The following TYW1B variants were observed in gnomAD, a reference collection of about 807,000 sequenced individuals.
TYW1B encodes tRNA-yW synthesizing protein 1 homolog B.
A neutral mutation model predicts 86.9 loss-of-function variants in TYW1B; 73 were observed. The ratio of observed to expected loss-of-function variants is 0.84; its 90% confidence interval spans 0.70 to 1.02. The LOEUF is 1.02. TYW1B is among the 50% of genes least tolerant of loss of function. The pLI, the probability that TYW1B is intolerant of heterozygous loss-of-function variation, is 0.00. For synonymous variants in TYW1B, 248 were observed against 292.8 expected, an observed-to-expected ratio of 0.85 and a Z score of 1.56; for missense variants, 637 against 827.4, an observed-to-expected ratio of 0.77 and a Z score of 2.82.
rs1476041383 is a variant in TYW1B, at chr7:72,593,190, G to A, written c.1786-17471C>T. ...GCCTGTAATCCCAGCTACTCGGGGG[G>A]CTGAGGCAGGAGAAATTGCTTGAAC... is the stretch of plus-strand genomic sequence containing the variant. On this transcript the variant is annotated intron_variant, in intron 13 of 13. Transcript: ENST00000620995. Among the ~76,000 whole-genome samples the A allele has an allele frequency of 5.3e-5, 8 of 152,140 alleles. No individual in the cohort carries two copies. The South Asian group carries it at 1.0e-3, about 20-fold the overall frequency.
intron 7 of TYW1B, among the ~76,000 whole-genome samples, chr7:72,759,362 T>C (rs1787649967): frequency 6.6e-6 from 1 of 152,138 alleles, no homozygotes; most frequent in South Asian, 2.1e-4. Context: ...ACTAGGGTGG[T>C]TGCCACCATC....
chr7:72,626,673 T>C (rs1336544569), intron 12 of TYW1B, among the ~76,000 whole-genome samples: 1 of 152,124 alleles, frequency 6.6e-6, no homozygotes, highest in Non-Finnish European at 1.5e-5. Flanking sequence ...GTTCAGCCCG[T>C]ACCTATAACC....
intron 6 of TYW1B, among the ~76,000 whole-genome samples, chr7:72,787,407 G>A (rs1788147170): frequency 6.6e-6 from 1 of 151,334 alleles, no homozygotes; most frequent in Non-Finnish European, 1.5e-5. Context: ...AGGTTGCAGT[G>A]AGCCAAGATT....
chr7:72,601,341 C>CAAA (rs564355064), intron 13 of TYW1B, among the ~76,000 whole-genome samples: 4 of 137,548 alleles, frequency 2.9e-5, no homozygotes, highest in Admixed American at 1.5e-4. Context: ...AGCTAAACCT[C>CAAA]AAAAAAAAAA....
At chr7:72,775,322 A>C (rs1410236811) in intron 7 of TYW1B, among the ~76,000 whole-genome samples, 1 of 152,202 alleles carries the variant, frequency 6.6e-6, no homozygotes, top group East Asian at 1.9e-4. Flanking sequence ...ACACTCGACA[A>C]AACCCAAATA....
At chr7:72,716,199 A>G (rs1786780049) in intron 9 of TYW1B, among the ~76,000 whole-genome samples, 1 of 152,202 alleles carries the variant, frequency 6.6e-6, no homozygotes, top group Non-Finnish European at 1.5e-5. Context: ...GGCCTCCCAA[A>G]GTGCTGGGAT....
rs546404434 is a variant in TYW1B, at chr7:72,821,576, CATCTT to C, written c.135+5274_135+5278del. Among the ~76,000 whole-genome samples the C allele has an allele frequency of 4.5e-4, 68 of 152,328 alleles. 1 individual carries two copies. The South Asian group carries it at 0.014, about 31-fold the overall frequency. ...AATGTACGTGCTATTCCCAAACAAACATCTTTTCTTTTGGAGAGCCTCTCTATGGT... is the reference window on the plus strand; with the variant it reads ...AATGTACGTGCTATTCCCAAACAAACTTCTTTTGGAGAGCCTCTCTATGGT... On this transcript the variant is annotated intron_variant, in intron 2 of 13. Transcript: ENST00000620995.
chr7:72,753,384 C>T (rs549624575), intron 7 of TYW1B, among the ~76,000 whole-genome samples: 21 of 151,812 alleles, frequency 1.4e-4, no homozygotes, highest in African/African-American at 4.8e-4. Context: ...AGTAGAGTAT[C>T]ATTACCATGT....
At chr7:72,816,311 G>C (rs1788721460) in intron 2 of TYW1B, among the ~76,000 whole-genome samples, 1 of 152,072 alleles carries the variant, frequency 6.6e-6, no homozygotes, top group Admixed American at 6.6e-5. Flanking sequence ...AGGAGGCAGA[G>C]GTTGCAGTGA....
intron 13 of TYW1B, among the ~76,000 whole-genome samples, chr7:72,581,551 C>A (rs190853079): frequency 1.1e-3 from 164 of 152,050 alleles, no homozygotes; most frequent in Non-Finnish European, 2.0e-3. Context: ...CTCCACCTCT[C>A]GGGTTCACGT....
intron 13 of TYW1B, among the ~76,000 whole-genome samples, chr7:72,582,513 T>C (rs1554429762): frequency 6.6e-6 from 1 of 152,160 alleles, no homozygotes; most frequent in African/African-American, 2.4e-5. Flanking sequence ...ACATTAAAGG[T>C]CTCAAAAAGT....
chr7:72,727,499 A>G (rs1439646724), intron 9 of TYW1B, among the ~76,000 whole-genome samples: 2 of 152,174 alleles, frequency 1.3e-5, no homozygotes, highest in Admixed American at 6.5e-5. Flanking sequence ...CCCCAGTTGA[A>G]TAACATCAAC....
chr7:72,653,133 C>T (rs1813103955), intron 11 of TYW1B, among the ~76,000 whole-genome samples: 2 of 151,810 alleles, frequency 1.3e-5, no homozygotes, highest in African/African-American at 4.8e-5. Flanking sequence ...TAAGCTAAAG[C>T]GAGCAGAGGA....
At chr7:72,803,348 G>A (rs1192342862) in intron 5 of TYW1B, among the ~76,000 whole-genome samples, 12 of 152,144 alleles carry the variant, frequency 7.9e-5, no homozygotes, top group South Asian at 2.1e-4. Flanking sequence ...TGGGCTCAGG[G>A]GAACGAGACA....
chr7:72,695,009 T>C (rs1475310801), intron 10 of TYW1B, among the ~76,000 whole-genome samples, 187 bp from the exon 11 acceptor site: 1 of 152,232 alleles, frequency 6.6e-6, no homozygotes, highest in Non-Finnish European at 1.5e-5. Flanking sequence ...TGGTTGTTTT[T>C]TAAATGACTG....
chr7:72,699,825 T>C (rs1814417532), intron 10 of TYW1B, among the ~76,000 whole-genome samples: 1 of 151,940 alleles, frequency 6.6e-6, no homozygotes, highest in Admixed American at 6.6e-5. Context: ...AATTTTTGTA[T>C]TTTTAGTGGA....
At chr7:72,654,913 A>T (rs1265145830) in intron 11 of TYW1B, among the ~76,000 whole-genome samples, 7 of 152,188 alleles carry the variant, frequency 4.6e-5, no homozygotes, top group Admixed American at 4.6e-4. Context: ...TTGGTTCATA[A>T]ATTGTAACAA....
chr7:72,701,047 G>A (rs558804415), intron 10 of TYW1B, among the ~76,000 whole-genome samples: 2 of 151,142 alleles, frequency 1.3e-5, no homozygotes, highest in South Asian at 4.2e-4. Flanking sequence ...CTGGGTGACA[G>A]AGCAAGATTC....
intron 11 of TYW1B, among the ~76,000 whole-genome samples, chr7:72,664,662 A>T (rs71553262): frequency 6.6e-6 from 1 of 152,172 alleles, no homozygotes; most frequent in Non-Finnish European, 1.5e-5. Context: ...CAGGCTTAAT[A>T]CCTGGATGAT....
Sources: allele counts gnomAD v4.1 joint callset (sites outside exome capture counted in the v4.1 genomes callset), GRCh38; gene constraint gnomAD v4.1.1; transcripts MANE v1.5; gene names NCBI Gene and HGNC (gene_info 2026-07-23, HGNC 2026-07-21).